SFXN5: variants seen among roughly 807,000 people sequenced by gnomAD.
The protein encoded by SFXN5 is sideroflexin-5.
Under a neutral mutation model 50.2 loss-of-function variants are expected in SFXN5, and 43 were observed. The observed-to-expected ratio is 0.86, with a 90% CI of 0.67 to 1.11. The LOEUF is 1.11. Ranked by LOEUF, SFXN5 falls within the 50% of genes least tolerant of loss-of-function variation. The pLI, the probability that SFXN5 is intolerant of heterozygous loss-of-function variation, is 0.00. For synonymous variants in SFXN5, 203 were observed against 185.8 expected, an observed-to-expected ratio of 1.09 and a Z score of -0.75; for missense variants, 463 against 454.1, an observed-to-expected ratio of 1.02 and a Z score of -0.18.
intron 6 of SFXN5, among the ~76,000 whole-genome samples, chr2:73,008,117 C>T (rs1674960390): frequency 6.6e-6 from 1 of 152,192 alleles, no homozygotes; most frequent in African/African-American, 2.4e-5. Flanking sequence ...AAGTGGCCGA[C>T]ACCAGCATCT....
At position 72,973,427 on chromosome 2, in the gene SFXN5, T is replaced by C. The variant is rs1559107415; in HGVS notation, c.626-1742A>G. The C allele has an allele frequency of 5.9e-6, 1 of 169,190 alleles. No homozygotes were observed. The highest frequency in any genetic ancestry group is 1.5e-5 in the Non-Finnish European group (1 of 68,246). The allele number at this position is 169,190 out of a possible 1,614,324, so 10.5% of individuals were successfully genotyped here. On this transcript the variant is annotated intron_variant, in intron 10 of 13. Coordinates refer to ENST00000272433, the MANE Select transcript of SFXN5 (RefSeq NM_144579.3). This position sits in a 1 kb window ranked among gnomAD's most constrained non-coding sequence, Gnocchi z 5.5. ...TAGGGGTCAGGGGTTGCTGCAGGCA[T>C]CTGGTGGATAGAGGCCAGAGGTGCT...
chr2:73,048,550 A>T (rs1221357217), intron 2 of SFXN5, among the ~76,000 whole-genome samples: 1 of 152,120 alleles, frequency 6.6e-6, no homozygotes, highest in Non-Finnish European at 1.5e-5. Context: ...CATGGACCAA[A>T]ATGTTAATGG....
chr2:72,971,482 T>G, intron 11 of SFXN5, 88 bp downstream of exon 11: 1 of 887,494 alleles, frequency 1.1e-6, no homozygotes, highest in East Asian at 2.6e-5. Context: ...GTACCCTGGA[T>G]AGAAGCCTGT....
chr2:73,064,933 T>C (rs913375141), intron 1 of SFXN5, among the ~76,000 whole-genome samples: 3 of 152,154 alleles, frequency 2.0e-5, no homozygotes, highest in Middle Eastern at 3.2e-3. Context: ...ACTACAAGCA[T>C]GTGTCACCAC....
intron 1 of SFXN5, among the ~76,000 whole-genome samples, chr2:73,067,387 T>TA (rs1683254573): frequency 2.0e-5 from 3 of 151,880 alleles, no homozygotes; most frequent in African/African-American, 2.4e-5. Context: ...GACATTAGTG[T>TA]AAAAAAAAGT....
intron 2 of SFXN5, among the ~76,000 whole-genome samples, chr2:73,045,169 A>T (rs1202862389): frequency 1.3e-5 from 2 of 152,160 alleles, no homozygotes; most frequent in Non-Finnish European, 2.9e-5. Context: ...GCCAAGAGGG[A>T]AAGGTACTTC....
chr2:73,040,447 T>C (rs1449262270), intron 3 of SFXN5, among the ~76,000 whole-genome samples: 6 of 152,230 alleles, frequency 3.9e-5, no homozygotes, highest in African/African-American at 1.4e-4. Context: ...GGTATGCTGG[T>C]AAACGTTTAA....
chr2:73,023,082 G>T, intron 4 of SFXN5, 106 bp downstream of exon 4: 1 of 1,112,206 alleles, frequency 9.0e-7, no homozygotes, highest in Non-Finnish European at 1.3e-6. Flanking sequence ...AAATGTGAGA[G>T]CCCGAAGAGC....
At chr2:73,052,329 TAAGA>T (rs1466081769) in intron 2 of SFXN5, among the ~76,000 whole-genome samples, 1 of 139,016 alleles carries the variant, frequency 7.2e-6, no homozygotes, top group Non-Finnish European at 1.5e-5. Flanking sequence ...TTAGAAAATG[TAAGA>T]GAGAGAGTGT....
At chr2:72,954,195 C>T (rs1672830681) in intron 13 of SFXN5, among the ~76,000 whole-genome samples, 1 of 152,150 alleles carries the variant, frequency 6.6e-6, no homozygotes, top group South Asian at 2.1e-4. Context: ...TCCCCAGAAC[C>T]CTCTAGAGCT....
intron 10 of SFXN5, among the ~76,000 whole-genome samples, chr2:72,986,074 G>A (rs953954545): frequency 2.0e-5 from 3 of 152,252 alleles, no homozygotes; most frequent in East Asian, 1.9e-4. Flanking sequence ...CTGAATGGCC[G>A]GGAACACCAG....
At chr2:72,965,776 A>T (rs1674322129) in intron 12 of SFXN5, among the ~76,000 whole-genome samples, 1 of 152,088 alleles carries the variant, frequency 6.6e-6, no homozygotes, top group Admixed American at 6.5e-5. Flanking sequence ...CCATCATTCC[A>T]CTTTCTGCAA....
chr2:72,962,239 G>A (rs1366600983), intron 12 of SFXN5, among the ~76,000 whole-genome samples: 1 of 152,228 alleles, frequency 6.6e-6, no homozygotes, highest in Non-Finnish European at 1.5e-5. Flanking sequence ...CCAAGTGACA[G>A]GCTCCTGGTG....
chr2:72,970,365 G>A (rs972844245), intron 11 of SFXN5, among the ~76,000 whole-genome samples: 1 of 152,198 alleles, frequency 6.6e-6, no homozygotes, highest in African/African-American at 2.4e-5. Flanking sequence ...GGGAGCAGAG[G>A]ATGCAATGTC....
Position 72,945,198 on chromosome 2 carries a change from GC to G in SFXN5, c.946-100del. The G allele has an allele frequency of 8.6e-7, 1 of 1,164,362 alleles. No individual in the cohort carries two copies. Among genetic ancestry groups the G allele is most frequent in the Non-Finnish European group, 1.3e-6 (1 of 798,246 alleles). 72.1% of individuals were successfully genotyped at this position (1,164,362 alleles called of 1,614,324 possible). On this transcript the variant is annotated intron_variant, in intron 13 of 13. Transcript: ENST00000272433. The surrounding 1 kb of genome is among the most constrained non-coding windows in gnomAD (Gnocchi z 5.8). ...GGACCACCCTGGGCCCCAGAGCTCT[GC>G]CCCCTGCACCCCCGTGTCCACCCCA... is the stretch of plus-strand genomic sequence containing the variant.
chr2:72,962,827 G>A (rs1242874417), intron 12 of SFXN5, among the ~76,000 whole-genome samples: 2 of 152,210 alleles, frequency 1.3e-5, no homozygotes, highest in Non-Finnish European at 1.5e-5. Context: ...CGCAAGGTTT[G>A]TCCAGCTGCT....
intron 8 of SFXN5, 25 bp downstream of exon 8, chr2:73,000,406 C>A: frequency 1.9e-6 from 3 of 1,552,490 alleles, no homozygotes; most frequent in Non-Finnish European, 2.6e-6. Context: ...AACCCCACCA[C>A]TGGGGAGAGG....
At chr2:73,011,196 G>A (rs1350743203) in intron 6 of SFXN5, among the ~76,000 whole-genome samples, 1 of 152,148 alleles carries the variant, frequency 6.6e-6, no homozygotes, top group Non-Finnish European at 1.5e-5. Flanking sequence ...TGAGACCACA[G>A]GCGCACACCA....
rs528655338 is a variant in SFXN5, at chr2:72,978,606, A to G, written c.626-6921T>C. Among the ~76,000 whole-genome samples, 4 of 152,180 alleles carry G rather than the reference A, an allele frequency of 2.6e-5. No individual in the cohort carries two copies. The South Asian group carries it at 8.3e-4, about 32-fold the overall frequency. On this transcript the variant is annotated intron_variant, in intron 10 of 13. Coordinates refer to ENST00000272433, the MANE Select transcript of SFXN5 (RefSeq NM_144579.3). ...CCCAGATGAACAAAAATTTTAAGAGATTGATAATATCAAATATTGAAGAGG... is the reference window on the plus strand; with the variant it reads ...CCCAGATGAACAAAAATTTTAAGAGGTTGATAATATCAAATATTGAAGAGG...
Sources: gnomAD v4.1 joint callset for allele counts (sites outside exome capture counted in the v4.1 genomes callset) on GRCh38, gnomAD v4.1.1 for gene constraint, Gnocchi (gnomAD v3.1) non-coding constraint, MANE v1.5 for transcripts, NCBI Gene and HGNC (gene_info 2026-07-23, HGNC 2026-07-21) for gene names.